CLVS1: variants seen among roughly 807,000 people sequenced by gnomAD.
CLVS1 encodes clavesin-1.
CLVS1 carries 10 observed loss-of-function variants against 33.1 expected under a neutral mutation model. The ratio of observed to expected loss-of-function variants is 0.30; its 90% CI spans 0.19 to 0.51. The LOEUF (loss-of-function observed/expected upper bound fraction) is 0.51. CLVS1 is among the 20% of genes least tolerant of loss of function. The pLI is 0.97. For missense variants in CLVS1, 343 were observed against 433.4 expected, an observed-to-expected ratio of 0.79 and a Z score of 1.85; for synonymous variants, 163 against 166.1, an observed-to-expected ratio of 0.98 and a Z score of 0.14.
intron 2 of CLVS1, among the ~76,000 whole-genome samples, chr8:61,138,582 C>CG (rs1181374665): frequency 7.8e-6 from 1 of 128,042 alleles, no homozygotes; most frequent in African/African-American, 3.1e-5. Flanking sequence ...GAAGGGGAGA[C>CG]GGGGGGCAGG....
chr8:61,343,659 A>C (rs1319751486), intron 2 of CLVS1, among the ~76,000 whole-genome samples: 1 of 152,222 alleles, frequency 6.6e-6, no homozygotes, highest in African/African-American at 2.4e-5. Flanking sequence ...GGGCAACGAG[A>C]GCTCAGGACT....
At chr8:61,130,466 A>G (rs986662415) in intron 1 of CLVS1, among the ~76,000 whole-genome samples, 7 of 152,098 alleles carry the variant, frequency 4.6e-5, no homozygotes, top group African/African-American at 1.7e-4. Flanking sequence ...TATATAACGA[A>G]TTAGTTCACC....
intron 3 of CLVS1, among the ~76,000 whole-genome samples, chr8:61,379,413 A>G (rs921633380): frequency 9.4e-5 from 14 of 149,102 alleles, no homozygotes; most frequent in Non-Finnish European, 3.0e-5. Flanking sequence ...CAAATGGGTA[A>G]TACAATACCT....
intron 5 of CLVS1, among the ~76,000 whole-genome samples, chr8:61,460,155 C>T (rs562696518): frequency 8.5e-5 from 13 of 152,136 alleles, no homozygotes; most frequent in Admixed American, 2.0e-4. Flanking sequence ...TGTTATGAAA[C>T]GTTTTTCCAC....
chr8:61,466,340 C>T (rs1817546566), intron 5 of CLVS1, among the ~76,000 whole-genome samples: 2 of 152,142 alleles, frequency 1.3e-5, no homozygotes, highest in Non-Finnish European at 2.9e-5. Context: ...TCCAGCACAA[C>T]TGGAGACTTC....
intron 1 of CLVS1, among the ~76,000 whole-genome samples, chr8:61,295,922 A>G (rs1213693377): frequency 6.6e-6 from 1 of 152,152 alleles, no homozygotes. Context: ...AATAAATAAT[A>G]AGCACTATTA....
chr8:61,222,185 A>C (rs958139972), intron 2 of CLVS1, among the ~76,000 whole-genome samples: 3 of 143,398 alleles, frequency 2.1e-5, no homozygotes, highest in African/African-American at 7.8e-5. Context: ...ATGTCCTTCA[A>C]CTCTTCTCTG....
At chr8:61,164,321 T>C (rs1806812484) in intron 2 of CLVS1, among the ~76,000 whole-genome samples, 1 of 152,134 alleles carries the variant, frequency 6.6e-6, no homozygotes, top group African/African-American at 2.4e-5. Flanking sequence ...AGGAAAAGGG[T>C]CCTTGGGAAG....
intron 1 of CLVS1, among the ~76,000 whole-genome samples, chr8:61,067,027 G>T (rs944085938): frequency 2.0e-5 from 3 of 151,916 alleles, no homozygotes; most frequent in East Asian, 3.9e-4. Context: ...GCCATAAATG[G>T]GGGGGGAGGG....
At chr8:61,100,478 C>A (rs186546439) in intron 1 of CLVS1, among the ~76,000 whole-genome samples, 14 of 152,308 alleles carry the variant, frequency 9.2e-5, no homozygotes, top group African/African-American at 3.4e-4. Context: ...AGGAACATAA[C>A]TTTCAAGTCA....
intron 2 of CLVS1, among the ~76,000 whole-genome samples, chr8:61,220,754 A>G (rs878889533): frequency 6.6e-6 from 1 of 152,016 alleles, no homozygotes; most frequent in Non-Finnish European, 1.5e-5. Context: ...TTTGGGCAGT[A>G]TGGCCATTTT....
chr8:61,075,198 C>T (rs556702971), intron 1 of CLVS1, among the ~76,000 whole-genome samples: 45 of 152,074 alleles, frequency 3.0e-4, no homozygotes, highest in African/African-American at 5.3e-4. Flanking sequence ...GGATGCTAGA[C>T]GGTGGCAGGT....
chr8:61,205,738 G>T (rs760544003), intron 2 of CLVS1, among the ~76,000 whole-genome samples: 2 of 151,984 alleles, frequency 1.3e-5, no homozygotes, highest in Non-Finnish European at 2.9e-5. Flanking sequence ...ATGCACAAAG[G>T]TTCTCATTCC....
chr8:61,303,231 G>C (rs755901421), intron 2 of CLVS1, among the ~76,000 whole-genome samples: 1 of 152,210 alleles, frequency 6.6e-6, no homozygotes, highest in East Asian at 1.9e-4. Context: ...TTTATTTTGT[G>C]TTAGGATTTG....
chr8:61,050,129 T>G, the CLVS1 span, among the ~76,000 whole-genome samples: 2 of 152,258 alleles, frequency 1.3e-5, no homozygotes, highest in Admixed American at 1.3e-4. Flanking sequence ...GCCTCATCAG[T>G]GGCTTCCAAT....
chr8:61,003,134 C>A, the CLVS1 span, among the ~76,000 whole-genome samples: 2 of 152,146 alleles, frequency 1.3e-5, no homozygotes, highest in African/African-American at 4.8e-5. Context: ...GAGGGACTTG[C>A]TCTGGGGGGT....
rs150530701 is a variant in CLVS1, at chr8:61,458,447, T to C, written c.882T>C (p.Asp294=). ...ARTLLGPDYS[D]ENDYTHTSYN... The stretch of plus-strand genomic sequence containing the variant: ...CGTTACTCGGTCCCGACTACAGCGA[T>C]GAAAATGACTATACTCACACATCCT... The change falls in exon 5 of 6, where the codon GAT becomes GAC. Residue 294 remains aspartate (D), a synonymous_variant. Coordinates refer to ENST00000325897, the MANE Select transcript of CLVS1 (RefSeq NM_173519.3). 32 of 1,613,926 alleles carry C rather than the reference T, an allele frequency of 2.0e-5. No individual in the cohort carries two copies. Among genetic ancestry groups the C allele is most frequent in the African/African-American group, 2.7e-5 (2 of 74,888 alleles).
chr8:61,066,962 T>C (rs2129279254), intron 1 of CLVS1, among the ~76,000 whole-genome samples: 1 of 152,116 alleles, frequency 6.6e-6, no homozygotes, highest in African/African-American at 2.4e-5. Context: ...ATGACTGCAG[T>C]CTAGTCATCA....
At chr8:61,489,420 T>A (rs1408896591) in intron 5 of CLVS1, among the ~76,000 whole-genome samples, 1 of 152,250 alleles carries the variant, frequency 6.6e-6, no homozygotes, top group Non-Finnish European at 1.5e-5. Flanking sequence ...TACTGTGGAA[T>A]CTTGCACATA....
Sources: gnomAD v4.1 joint callset for allele counts (sites outside exome capture counted in the v4.1 genomes callset) on GRCh38, gnomAD v4.1.1 for gene constraint, MANE v1.5 for transcripts, NCBI Gene and HGNC (gene_info 2026-07-23, HGNC 2026-07-21) for gene names.